Variants in TUB observed in about 807,000 individuals in gnomAD.
TUB encodes the protein tubby protein homolog.
A neutral mutation model predicts 59.7 loss-of-function variants in TUB; 33 were observed. That is an observed-to-expected ratio of 0.55 (90% CI 0.42 to 0.74). The LOEUF (loss-of-function observed/expected upper bound fraction) is 0.74. Among genes scored for constraint, TUB ranks in the 30% least tolerant of loss-of-function variants. The pLI is 0.00. For synonymous variants in TUB, 293 were observed against 256.4 expected, an observed-to-expected ratio of 1.14 and a Z score of -1.36; for missense variants, 659 against 672.0, an observed-to-expected ratio of 0.98 and a Z score of 0.21.
At chr11:8,042,700 T>A (rs1024959793) in intron 2 of TUB, among the ~76,000 whole-genome samples, 1 of 152,258 alleles carries the variant, frequency 6.6e-6, no homozygotes, top group African/African-American at 2.4e-5. Context: ...TGATCACTAA[T>A]GATGACTAAC....
intron 1 of TUB, among the ~76,000 whole-genome samples, chr11:8,020,904 C>T (rs1387748418): frequency 1.3e-5 from 2 of 152,098 alleles, no homozygotes; most frequent in East Asian, 1.9e-4. Context: ...GGAAATAAGG[C>T]GATAAAAAGA....
intron 1 of TUB, among the ~76,000 whole-genome samples, chr11:8,088,296 C>T (rs555999511): frequency 6.6e-6 from 1 of 152,286 alleles, no homozygotes; most frequent in Admixed American, 6.5e-5. Context: ...TGACTGGCTC[C>T]CTTGGAGGTG....
chr11:8,087,176 A>T (rs4575312), intron 1 of TUB, among the ~76,000 whole-genome samples: 47,961 of 152,098 alleles, frequency 0.32, 8,187 homozygotes, highest in African/African-American at 0.42. Context: ...AAATACCTTT[A>T]GTCAGTTGAG....
chr11:8,032,768 C>T (rs1190369626), intron 1 of TUB, among the ~76,000 whole-genome samples: 2 of 152,204 alleles, frequency 1.3e-5, no homozygotes, highest in Non-Finnish European at 2.9e-5. Flanking sequence ...GTCACTATTC[C>T]TTCCTCTGGC....
chr11:8,057,792 A>G (rs560126377), intron 2 of TUB, among the ~76,000 whole-genome samples: 4 of 152,162 alleles, frequency 2.6e-5, no homozygotes, highest in Admixed American at 1.3e-4. Flanking sequence ...GTCATGCTTT[A>G]AGGCCCAGGA....
upstream of TUB, among the ~76,000 whole-genome samples, chr11:8,079,773 T>A (rs1435288623): frequency 6.6e-6 from 1 of 152,064 alleles, no homozygotes; most frequent in Non-Finnish European, 1.5e-5. Flanking sequence ...GGGTAAGTGC[T>A]GTAGACCCAG....
intron 2 of TUB, among the ~76,000 whole-genome samples, chr11:8,063,902 C>T (rs1296717008): frequency 6.6e-6 from 1 of 151,996 alleles, no homozygotes; most frequent in Non-Finnish European, 1.5e-5. Flanking sequence ...TCTTTTTTCT[C>T]ATTTTGCGAT....
upstream of TUB, chr11:8,077,918 C>T (rs956783203): frequency 1.3e-5 from 2 of 152,190 alleles, no homozygotes; most frequent in Non-Finnish European, 2.9e-5. Flanking sequence ...AATTGCCTTC[C>T]TCAGACTGCA....
At chr11:8,089,781 T>C (rs945157612) in intron 2 of TUB, 120 bp downstream of exon 2, 9 of 1,363,864 alleles carry the variant, frequency 6.6e-6, no homozygotes, top group East Asian at 2.3e-5. Context: ...GGGATTCCCA[T>C]GTGGAAGAAG....
At chr11:8,030,787 G>A (rs1025989618) in intron 1 of TUB, among the ~76,000 whole-genome samples, 2 of 152,158 alleles carry the variant, frequency 1.3e-5, no homozygotes, top group African/African-American at 4.8e-5. Flanking sequence ...GCTGGCACCA[G>A]GATAACAGCA....
chr11:8,076,175 C>T (rs1440809720), intron 2 of TUB: 2 of 152,198 alleles, frequency 1.3e-5, no homozygotes, highest in African/African-American at 2.4e-5. Context: ...CCACAAGAGA[C>T]ACTCATGTGT....
intron 2 of TUB, among the ~76,000 whole-genome samples, chr11:8,066,158 A>C (rs532469087): frequency 1.3e-5 from 2 of 152,212 alleles, no homozygotes; most frequent in Non-Finnish European, 1.5e-5. Flanking sequence ...CCAGGGGAAG[A>C]ATGGGCACTC....
At chr11:8,019,459 A>AC in intron 1 of TUB, 2 of 1,173,896 alleles carry the variant, frequency 1.7e-6, no homozygotes, top group Non-Finnish European at 1.1e-6. Flanking sequence ...CGAGCGCCCG[A>AC]CCCCCAGGGT....
chr11:8,058,070 G>C (rs973385355), intron 2 of TUB, among the ~76,000 whole-genome samples: 1 of 151,894 alleles, frequency 6.6e-6, no homozygotes, highest in African/African-American at 2.4e-5. Context: ...AAATTAGCCA[G>C]GCATGGTGGT....
intron 1 of TUB, chr11:8,039,486 T>C (rs1942707509): frequency 1.8e-6 from 1 of 566,780 alleles, no homozygotes; most frequent in East Asian, 3.2e-5. Flanking sequence ...TCTATGGAAG[T>C]CCCTCTACCC....
intron 2 of TUB, among the ~76,000 whole-genome samples, chr11:8,072,557 G>A (rs531073658): frequency 6.6e-6 from 1 of 152,352 alleles, no homozygotes; most frequent in South Asian, 2.1e-4. Flanking sequence ...GGCCCTGTGT[G>A]AGGGCTCAGT....
chr11:8,052,980 G>GA (rs756822305), intron 2 of TUB, among the ~76,000 whole-genome samples: 2 of 152,216 alleles, frequency 1.3e-5, no homozygotes, highest in Admixed American at 6.5e-5. Context: ...ATAATTATGT[G>GA]AAAAAATAAA....
intron 1 of TUB, among the ~76,000 whole-genome samples, chr11:8,082,923 C>G (rs1943598008): frequency 1.3e-5 from 2 of 152,206 alleles, no homozygotes; most frequent in African/African-American, 2.4e-5. Flanking sequence ...TGCGCACATA[C>G]AGGTCACCCA....
At chr11:8,096,649 C>T (rs1212126703) in intron 5 of TUB, 36 bp from the exon 6 acceptor site, 2 of 1,410,092 alleles carry the variant, frequency 1.4e-6, no homozygotes, top group Non-Finnish European at 2.0e-6. Flanking sequence ...GTAGACTTCT[C>T]CTCCTTCATC....
Sources: gnomAD v4.1 joint callset for allele counts (sites outside exome capture counted in the v4.1 genomes callset) on GRCh38, gnomAD v4.1.1 for gene constraint, MANE v1.5 for transcripts, NCBI Gene and HGNC (gene_info 2026-07-23, HGNC 2026-07-21) for gene names.